The following SLC43A1 variants were observed in gnomAD, a reference collection of about 807,000 sequenced individuals.
SLC43A1 encodes solute carrier family 43 member 1.
Under a neutral mutation model 59.5 loss-of-function variants are expected in SLC43A1, and 31 were observed. The observed-to-expected ratio is 0.52, with a 90% CI of 0.39 to 0.70. The LOEUF (loss-of-function observed/expected upper bound fraction) is 0.70, where lower values mean the gene tolerates loss of function less well. Ranked by LOEUF, SLC43A1 falls within the 30% of genes least tolerant of loss-of-function variation. SLC43A1 has a pLI of 0.00. For missense variants in SLC43A1, 598 were observed against 717.8 expected (o/e 0.83, Z 1.91); for synonymous variants, 259 against 290.9 (o/e 0.89, Z 1.12).
intron 8 of SLC43A1, among the ~76,000 whole-genome samples, chr11:57,493,774 A>G (rs982371449): frequency 2.0e-5 from 3 of 152,104 alleles, no homozygotes; most frequent in Non-Finnish European, 2.9e-5. Flanking sequence ...TCCCTCCCCA[A>G]TCCCAGGAAT....
intron 10 of SLC43A1, 88 bp from the exon 11 acceptor site, chr11:57,491,450 A>G (rs1033428411): frequency 3.9e-6 from 6 of 1,556,878 alleles, no homozygotes; most frequent in Non-Finnish European, 4.3e-6. Flanking sequence ...AGAGCACCAA[A>G]ATAGCCTTCC....
chr11:57,494,380 TG>T (rs1944016938), intron 7 of SLC43A1: 1 of 522,086 alleles, frequency 1.9e-6, no homozygotes, highest in Admixed American at 4.3e-5. Context: ...AAATGAAGAG[TG>T]GATCAGCTGT....
At position 57,485,103 on chromosome 11, in the gene SLC43A1, G is replaced by A; in HGVS notation, c.1673C>T (p.Thr558Ile). 1 of 1,612,670 alleles carries A rather than the reference G, an allele frequency of 6.2e-7. No individual in the cohort carries two copies. Among genetic ancestry groups the A allele is most frequent in the Non-Finnish European group, 8.5e-7 (1 of 1,179,542 alleles). The change falls in exon 15 of 15, where the codon ACC becomes ATC. Residue 558 changes from threonine (T) to isoleucine (I), a missense_variant. Thr to Ile is a moderately conservative substitution (Grantham distance 89). Coordinates refer to ENST00000278426, the MANE Select transcript of SLC43A1 (RefSeq NM_003627.6). Reference sequence around the variant, plus strand: ...TCCCTTGGTCTGAGAAGTCTATGCGGTCACCTCAGAGCCGCTAAGCACCTT... The same window carrying A: ...TCCCTTGGTCTGAGAAGTCTATGCGATCACCTCAGAGCCGCTAAGCACCTT... ...PLKVLSGSEV[T>I]A
intron 3 of SLC43A1, 49 bp from the exon 4 acceptor site, chr11:57,501,092 C>A: frequency 6.2e-7 from 1 of 1,608,342 alleles, no homozygotes; most frequent in Non-Finnish European, 8.5e-7. Flanking sequence ...AGCACCCCCC[C>A]TCCCCTCCCC....
At chr11:57,493,792 G>A (rs564910890) in intron 8 of SLC43A1, among the ~76,000 whole-genome samples, 1 of 152,326 alleles carries the variant, frequency 6.6e-6, no homozygotes, top group African/African-American at 2.4e-5. Context: ...AATCCAGCAG[G>A]GTAACCCTGA....
At chr11:57,506,287 A>G (rs1264201472) in intron 2 of SLC43A1, among the ~76,000 whole-genome samples, 1 of 152,232 alleles carries the variant, frequency 6.6e-6, no homozygotes, top group Non-Finnish European at 1.5e-5. Flanking sequence ...TGGAGGACGC[A>G]ATGAGCTGAG....
At position 57,500,629 on chromosome 11, in the gene SLC43A1, A is replaced by T. The variant is rs1017984739; in HGVS notation, c.465+150T>A. 4 of 705,928 alleles carry T rather than the reference A, an allele frequency of 5.7e-6. No individual in the cohort carries two copies. The East Asian group carries it at 1.1e-4, about 19-fold the overall frequency. 43.7% of individuals were successfully genotyped at this position (705,928 alleles called of 1,614,324 possible). ...AGCCTCACACCTGCTCTTTGCAGCC[A>T]CCTGCACAGTTTCTCACACACTCAC... is the stretch of plus-strand genomic sequence containing the variant. On this transcript the variant is annotated intron_variant, in intron 5 of 14. Transcript: ENST00000278426.
intron 2 of SLC43A1, 48 bp from the exon 3 acceptor site, chr11:57,501,377 G>A: frequency 6.3e-7 from 1 of 1,589,388 alleles, no homozygotes; most frequent in African/African-American, 1.3e-5. Context: ...AGGAACAGCT[G>A]GGCACAGGAG....
At chr11:57,508,692 G>A (rs997050450) in intron 2 of SLC43A1, among the ~76,000 whole-genome samples, 55 of 152,140 alleles carry the variant, frequency 3.6e-4, no homozygotes, top group African/African-American at 1.3e-3. Context: ...TACTCAGGAG[G>A]CTGAGGTGGG....
At chr11:57,508,017 G>A (rs532238514) in intron 2 of SLC43A1, among the ~76,000 whole-genome samples, 9 of 152,192 alleles carry the variant, frequency 5.9e-5, no homozygotes, top group South Asian at 2.1e-4. Context: ...CTGTAATCCC[G>A]ACACTTTGGG....
chr11:57,507,956 G>T (rs1425387890), intron 2 of SLC43A1, among the ~76,000 whole-genome samples: 1 of 152,158 alleles, frequency 6.6e-6, no homozygotes, highest in Non-Finnish European at 1.5e-5. Context: ...TTTACCATAT[G>T]GGGTAATTGA....
intron 2 of SLC43A1, among the ~76,000 whole-genome samples, chr11:57,510,760 A>AG (rs912126117): frequency 3.9e-5 from 6 of 152,034 alleles, no homozygotes; most frequent in East Asian, 3.9e-4. Flanking sequence ...TGGGAGGCCG[A>AG]GGGGGGTGGA....
rs749562185 is a variant in SLC43A1, at chr11:57,497,814, G to C, written c.497C>G (p.Thr166Arg). 2.5e-6 allele frequency: 4 copies of C among 1,613,510 alleles called. No individual in the cohort carries two copies. The highest frequency in any genetic ancestry group is 2.7e-5 in the African/African-American group (2 of 74,922). Residue 166 changes from threonine (T) to arginine (R), a missense_variant, in exon 6 of 15, where the codon ACG (threonine) becomes AGG (arginine). Thr to Arg is a moderately conservative substitution (Grantham distance 71). Transcript: ENST00000278426. ...AGAGCCAATCATGAGGGCCATTAAC[G>C]TGGAGCGCAGGTTCCCAAACATGTT... ...LPNMFGNLRSTLMALMIGSYA... is the reference protein window; with the variant it reads ...LPNMFGNLRSRLMALMIGSYA...
rs1055339136 is a variant in SLC43A1 at position 57,484,962 on chromosome 11, A to T, written c.*134T>A. The T allele has an allele frequency of 9.0e-7, 1 of 1,113,546 alleles. No individual in the cohort carries two copies. Among genetic ancestry groups the T allele is most frequent in the African/African-American group, 1.6e-5 (1 of 63,560 alleles). The allele number at this position is 1,113,546 out of a possible 1,614,324, so 69.0% of individuals were successfully genotyped here. The stretch of plus-strand genomic sequence containing the variant: ...CTTTTTGCAGTCTTTACAAAAATAG[A>T]ACTTCTCTTGGTATTTATAAATCTA... On this transcript the variant is annotated 3_prime_UTR_variant, in exon 15 of 15. Coordinates refer to ENST00000278426, the MANE Select transcript of SLC43A1 (RefSeq NM_003627.6).
intron 14 of SLC43A1, among the ~76,000 whole-genome samples, chr11:57,486,861 C>T (rs903004242): frequency 6.6e-6 from 1 of 152,074 alleles, no homozygotes; most frequent in African/African-American, 2.4e-5. Context: ...AAATTAAAAA[C>T]AAAAACAGAC....
At chr11:57,513,853 T>C in intron 2 of SLC43A1, 105 bp downstream of exon 2, 1 of 883,438 alleles carries the variant, frequency 1.1e-6, no homozygotes, top group South Asian at 1.4e-5. Flanking sequence ...GCTGTCCAAC[T>C]GCTGACCCTG....
rs372756120 is a variant in SLC43A1, at chr11:57,491,828, G to C, written c.906C>G (p.Pro302=). Residue 302 remains proline (P), a synonymous_variant, in exon 9 of 15, where the codon CCC becomes CCG. Transcript: ENST00000278426. ...SVPLRKSLCS[P]TFLWSLLTMG... is the part of the protein sequence containing the mutation. ...TGGTGAGGAGGCTCCACAGGAAAGT[G>C]GGGGAGCAGAGGCTCTTGCGTAAGG... The C allele has an allele frequency of 1.9e-5, 30 of 1,614,016 alleles. No individual in the cohort carries two copies. Among genetic ancestry groups the C allele is most frequent in the African/African-American group, 2.7e-5 (2 of 74,930 alleles).
chr11:57,508,275 A>AAAAAG (rs1025995532), intron 2 of SLC43A1, among the ~76,000 whole-genome samples: 4 of 151,770 alleles, frequency 2.6e-5, no homozygotes, highest in African/African-American at 9.7e-5. Flanking sequence ...TCCAAAAAAA[A>AAAAAG]AAAAGAAAAG....
intron 8 of SLC43A1, among the ~76,000 whole-genome samples, chr11:57,492,788 T>C (rs906489949): frequency 7.3e-6 from 1 of 137,656 alleles, no homozygotes; most frequent in Non-Finnish European, 1.5e-5. Context: ...ACACTTGTAA[T>C]CCCAAAACTT....
Sources: allele counts gnomAD v4.1 joint callset (sites outside exome capture counted in the v4.1 genomes callset), GRCh38; gene constraint gnomAD v4.1.1; transcripts MANE v1.5; gene names NCBI Gene and HGNC (gene_info 2026-07-23, HGNC 2026-07-21).